Variants in UNC13C observed in about 807,000 individuals in gnomAD.
The protein encoded by UNC13C is unc-13 homolog C, also known as protein unc-13 homolog C.
A neutral mutation model predicts 245.4 loss-of-function variants in UNC13C; 174 were observed. That is an observed-to-expected ratio of 0.71 (90% CI 0.63 to 0.80). UNC13C has a LOEUF of 0.80. Ranked by LOEUF, UNC13C falls within the 30% of genes least tolerant of loss-of-function variation. The probability of loss-of-function intolerance (pLI) is 0.00; values close to 1 mark genes in which losing one functional copy is unlikely to be tolerated. For missense variants in UNC13C, 2,829 were observed against 2,602.9 expected, an observed-to-expected ratio of 1.09 and a Z score of -1.89; for synonymous variants, 992 against 895.1, an observed-to-expected ratio of 1.11 and a Z score of -1.93.
chr15:54,080,795 GT>G (rs1898901164), intron 2 of UNC13C, among the ~76,000 whole-genome samples: 1 of 151,834 alleles, frequency 6.6e-6, no homozygotes, highest in Non-Finnish European at 1.5e-5. Flanking sequence ...TCCTTTGTTT[GT>G]TTTTTGGGGT....
At chr15:54,055,520 C>A (rs1897471414) in intron 2 of UNC13C, among the ~76,000 whole-genome samples, 1 of 152,170 alleles carries the variant, frequency 6.6e-6, no homozygotes, top group Non-Finnish European at 1.5e-5. Context: ...TTAGCCCCTC[C>A]AGCTGATCAA....
chr15:53,898,126 C>T, the UNC13C span, among the ~76,000 whole-genome samples: 766 of 152,242 alleles, frequency 5.0e-3, 3 homozygotes, highest in African/African-American at 0.018. Context: ...TACATTACTT[C>T]CTCCTGCTGG....
Position 54,354,502 on chromosome 15 carries a change from C to T in UNC13C, c.4713+16013C>T, listed in dbSNP as rs868733969. ...ACTCTGAAATGCATATACTGTCACT[C>T]TCCATCTGCTTGCAAAGCATCTTCC... On this transcript the variant is annotated intron_variant, in intron 17 of 32. Coordinates refer to ENST00000260323, the MANE Select transcript of UNC13C (RefSeq NM_001080534.3). Among the ~76,000 whole-genome samples, 7 of 152,300 alleles carry T rather than the reference C, an allele frequency of 4.6e-5. No homozygotes were observed. The South Asian group carries it at 1.2e-3, about 27-fold the overall frequency.
At chr15:54,287,715 C>T (rs773730543) in intron 10 of UNC13C, among the ~76,000 whole-genome samples, 2 of 152,232 alleles carry the variant, frequency 1.3e-5, no homozygotes, top group Middle Eastern at 3.4e-3. Context: ...TAATGTCCAT[C>T]TCTAGTTGCA....
At chr15:54,054,422 G>A (rs79194258) in intron 2 of UNC13C, among the ~76,000 whole-genome samples, 10 of 152,248 alleles carry the variant, frequency 6.6e-5, no homozygotes, top group Admixed American at 2.0e-4. Context: ...GGCTGCCCTC[G>A]TTAAATTGTC....
chr15:54,178,000 G>A (rs1318540748), intron 4 of UNC13C, among the ~76,000 whole-genome samples: 1 of 151,886 alleles, frequency 6.6e-6, no homozygotes, highest in Non-Finnish European at 1.5e-5. Flanking sequence ...TTTAAAATGT[G>A]CATTTTTATT....
chr15:54,129,252 T>G (rs1261160274), intron 2 of UNC13C, among the ~76,000 whole-genome samples: 1 of 152,212 alleles, frequency 6.6e-6, no homozygotes, highest in Non-Finnish European at 1.5e-5. Flanking sequence ...GCCAGATGCG[T>G]ACATATGTAC....
At chr15:53,965,690 A>T in the UNC13C span, among the ~76,000 whole-genome samples, 1 of 151,902 alleles carries the variant, frequency 6.6e-6, no homozygotes, top group Non-Finnish European at 1.5e-5. Context: ...AGCATTAGGT[A>T]TATCTCCCAA....
Position 54,300,307 on chromosome 15 carries a change from C to T in UNC13C, c.4202C>T (p.Ala1401Val), listed in dbSNP as rs1306802264. Residue 1401 changes from alanine to valine, a missense_variant, in exon 13 of 33, where the codon GCT becomes GTT. By Grantham distance (64) the Ala-to-Val change is moderately conservative. Transcript: ENST00000260323. ...DEAWKVFFDDASQEIVDEFAM... is the reference protein window; with the variant it reads ...DEAWKVFFDDVSQEIVDEFAM... ...GCCTGGAAGGTTTTCTTTGATGATG[C>T]TTCCCAAGAAATAGTTGATGAATTT... 1.9e-6 allele frequency: 3 copies of T among 1,588,726 alleles called. No homozygotes were observed. The highest frequency in any genetic ancestry group is 2.6e-6 in the Non-Finnish European group (3 of 1,166,308).
chr15:54,630,361 C>CTAACT (rs1566951224), downstream of UNC13C: 1 of 152,144 alleles, frequency 6.6e-6, no homozygotes, highest in East Asian at 1.9e-4. Flanking sequence ...AATGACAATT[C>CTAACT]TAACTTAATG....
intron 11 of UNC13C, among the ~76,000 whole-genome samples, chr15:54,295,512 A>G (rs2037404683): frequency 6.6e-6 from 1 of 151,978 alleles, no homozygotes; most frequent in Non-Finnish European, 1.5e-5. Flanking sequence ...TTAGCCAAGC[A>G]TGGTGCCATG....
chr15:54,516,453 C>T lies in UNC13C; in HGVS notation c.5457+4623C>T, dbSNP rs74016641. 7.6e-3 allele frequency among the ~76,000 whole-genome samples: 1,155 copies of T among 152,190 alleles called. 21 individuals are homozygous for T. Among genetic ancestry groups the T allele is most frequent in the African/African-American group, 0.027 (1,106 of 41,512 alleles). ...GCATTTCTAACGAATCTCTGGGTGA[C>T]GCTGATGCTACTGGTCTGGGGACCA... is the stretch of plus-strand genomic sequence containing the variant. On this transcript the variant is annotated intron_variant, in intron 24 of 32. Transcript: ENST00000260323.
intron 30 of UNC13C, among the ~76,000 whole-genome samples, chr15:54,569,203 C>T (rs1370149904): frequency 5.9e-5 from 2 of 33,940 alleles, no homozygotes; most frequent in East Asian, 1.9e-3. Flanking sequence ...ATGTGTACAC[C>T]CCCCCCTCCA....
intron 18 of UNC13C, among the ~76,000 whole-genome samples, chr15:54,402,072 A>C (rs77885493): frequency 6.6e-6 from 1 of 151,900 alleles, no homozygotes; most frequent in Non-Finnish European, 1.5e-5. Flanking sequence ...TGTAAAAAAA[A>C]AAAAAAAAAT....
chr15:54,613,390 A>G (rs1900229692), intron 30 of UNC13C, among the ~76,000 whole-genome samples: 1 of 151,974 alleles, frequency 6.6e-6, no homozygotes, highest in Non-Finnish European at 1.5e-5. Context: ...GAATGCATGA[A>G]TCATAAAATA....
At chr15:54,087,343 A>G (rs927998340) in intron 2 of UNC13C, among the ~76,000 whole-genome samples, 30 of 152,278 alleles carry the variant, frequency 2.0e-4, no homozygotes, top group African/African-American at 6.0e-4. Context: ...GCCTGTACTT[A>G]AACACTACTG....
At chr15:53,980,638 T>C (rs1354029183) in intron 1 of UNC13C, among the ~76,000 whole-genome samples, 2 of 152,156 alleles carry the variant, frequency 1.3e-5, no homozygotes, top group Non-Finnish European at 2.9e-5. Flanking sequence ...AATTTGAAGG[T>C]GGATAGTAGG....
the UNC13C span, among the ~76,000 whole-genome samples, chr15:53,862,823 A>G: frequency 6.6e-6 from 1 of 152,070 alleles, no homozygotes; most frequent in Admixed American, 6.6e-5. Flanking sequence ...ATCACTTTTT[A>G]GGTTAGGGCT....
the UNC13C span, among the ~76,000 whole-genome samples, chr15:53,937,581 A>C: frequency 1.3e-5 from 2 of 152,162 alleles, no homozygotes; most frequent in African/African-American, 4.8e-5. Context: ...ACACATAATC[A>C]TCAGGTTCTC....
Sources: gnomAD v4.1 joint callset for allele counts (sites outside exome capture counted in the v4.1 genomes callset) on GRCh38, gnomAD v4.1.1 for gene constraint, MANE v1.5 for transcripts, NCBI Gene and HGNC (gene_info 2026-07-23, HGNC 2026-07-21) for gene names.